BICRAL: variants seen among roughly 807,000 people sequenced by gnomAD.
BICRAL encodes the protein BICRA like chromatin remodeling complex associated protein, also known as BRD4-interacting chromatin-remodeling complex-associated protein-like.
Under a neutral mutation model 91.8 loss-of-function variants are expected in BICRAL, and 8 were observed. The observed-to-expected ratio is 0.09, with a 90% CI of 0.05 to 0.16. BICRAL has a LOEUF of 0.16. Ranked by LOEUF, BICRAL falls within the 10% of genes least tolerant of loss-of-function variation. The pLI, the probability that BICRAL is intolerant of heterozygous loss-of-function variation, is 1.00. For missense variants in BICRAL, 1,038 were observed against 1,310.9 expected (o/e 0.79, Z 3.21); for synonymous variants, 445 against 491.1 (o/e 0.91, Z 1.24).
chr6:42,814,455 A>C (rs1763921241), intron 2 of BICRAL, among the ~76,000 whole-genome samples: 1 of 143,018 alleles, frequency 7.0e-6, no homozygotes. Flanking sequence ...ATATGTATAT[A>C]TACGTATACA....
At chr6:42,755,723 G>A (rs1762448047) in intron 1 of BICRAL, among the ~76,000 whole-genome samples, 1 of 148,764 alleles carries the variant, frequency 6.7e-6, no homozygotes, top group African/African-American at 2.5e-5. Context: ...AGGCTGGAGT[G>A]CAATGGCGTG....
intron 6 of BICRAL, among the ~76,000 whole-genome samples, chr6:42,847,938 G>A (rs1002127082): frequency 6.6e-6 from 1 of 151,944 alleles, no homozygotes; most frequent in East Asian, 1.9e-4. Flanking sequence ...GACCATCCTC[G>A]CTCACACAGT....
At position 42,829,542 on chromosome 6, in the gene BICRAL, A is replaced by C; in HGVS notation, c.1209A>C (p.Ile403=). The part of the protein sequence containing the change: ...QPHAPQSQFL[I]PTSLSVSSNS... ...ACGCACCCCAAAGTCAGTTCCTTAT[A>C]CCTACAAGCCTTTCTGTCAGTTCCA... The change falls in exon 6 of 13, where the codon ATA becomes ATC. Residue 403 remains isoleucine, a synonymous_variant. Transcript: ENST00000314073. The C allele has an allele frequency of 6.2e-7, 1 of 1,614,118 alleles. No individual in the cohort carries two copies. The highest frequency in any genetic ancestry group is 1.1e-5 in the South Asian group (1 of 91,084).
At chr6:42,863,882 G>T (rs539355388) in intron 12 of BICRAL, among the ~76,000 whole-genome samples, 1 of 152,174 alleles carries the variant, frequency 6.6e-6, no homozygotes, top group East Asian at 1.9e-4. Context: ...ACCAAAATTA[G>T]GCCAGGCGTG....
At chr6:42,781,596 G>GTGT (rs1562457230), upstream of BICRAL, among the ~76,000 whole-genome samples, 1,560 of 103,494 alleles carry the variant, frequency 0.015, 50 homozygotes, top group East Asian at 0.097. Context: ...TGGGTGGGTG[G>GTGT]GTGTGTGTGT....
chr6:42,845,376 C>T (rs555929648), intron 6 of BICRAL, among the ~76,000 whole-genome samples: 47 of 151,520 alleles, frequency 3.1e-4, no homozygotes, highest in African/African-American at 1.1e-3. Flanking sequence ...GCGTGAGCCA[C>T]AGCGCCCAGC....
intron 1 of BICRAL, among the ~76,000 whole-genome samples, chr6:42,774,944 T>G (rs1321012478): frequency 6.6e-6 from 1 of 152,104 alleles, no homozygotes. Flanking sequence ...GTTCCTTTTT[T>G]TTTTTGAGAC....
intron 10 of BICRAL, among the ~76,000 whole-genome samples, chr6:42,857,447 G>C (rs1282243750): frequency 2.0e-5 from 3 of 151,642 alleles, no homozygotes; most frequent in African/African-American, 7.3e-5. Context: ...GGGAAGTCAA[G>C]AGTAGGGGCA....
intron 7 of BICRAL, chr6:42,852,577 G>A (rs751377259): frequency 2.1e-4 from 76 of 356,924 alleles, no homozygotes; most frequent in African/African-American, 3.8e-4. Context: ...CAGGAGAATC[G>A]CTTGAACCCG....
At chr6:42,814,520 T>TATATATA (rs1491538864) in intron 2 of BICRAL, among the ~76,000 whole-genome samples, 45 of 41,170 alleles carry the variant, frequency 1.1e-3, no homozygotes, top group African/African-American at 4.7e-3. Context: ...TATATATATA[T>TATATATA]TTTTTTTTTT....
intron 6 of BICRAL, among the ~76,000 whole-genome samples, chr6:42,841,023 C>T (rs538987556): frequency 2.8e-5 from 4 of 142,456 alleles, no homozygotes; most frequent in Admixed American, 2.2e-4. Flanking sequence ...TGCAGTGGGC[C>T]GAGATCATAC....
chr6:42,797,531 C>T (rs1202839448), intron 1 of BICRAL, among the ~76,000 whole-genome samples: 3 of 152,000 alleles, frequency 2.0e-5, no homozygotes. Context: ...GAGTAACTTC[C>T]CTGAGGGAGT....
At chr6:42,817,158 GT>G (rs1764017489) in intron 2 of BICRAL, among the ~76,000 whole-genome samples, 1 of 151,576 alleles carries the variant, frequency 6.6e-6, no homozygotes. Context: ...ATGTGTGTGT[GT>G]GTGTGTGTGT....
chr6:42,847,632 AGCCAGGCATTG>A (rs1765054186), intron 6 of BICRAL, among the ~76,000 whole-genome samples: 1 of 150,376 alleles, frequency 6.6e-6, no homozygotes, highest in African/African-American at 2.5e-5. Flanking sequence ...TTAAAAAATT[AGCCAGGCATTG>A]GCCAGGCACG....
chr6:42,784,091 C>T (rs1286030769), intron 1 of BICRAL, among the ~76,000 whole-genome samples: 1 of 152,176 alleles, frequency 6.6e-6, no homozygotes, highest in Admixed American at 6.5e-5. Flanking sequence ...TACTAGTTGT[C>T]AGATTACGGG....
intron 5 of BICRAL, among the ~76,000 whole-genome samples, chr6:42,825,594 A>G (rs1215079563): frequency 6.6e-6 from 1 of 151,550 alleles, no homozygotes; most frequent in Non-Finnish European, 1.5e-5. Flanking sequence ...ATAGATGAGC[A>G]TGGTGGTGCG....
intron 1 of BICRAL, among the ~76,000 whole-genome samples, chr6:42,749,278 T>A (rs555369835): frequency 4.1e-4 from 62 of 152,116 alleles, no homozygotes; most frequent in Non-Finnish European, 7.6e-4. Context: ...GTTAAGTAAA[T>A]AAGCCAGGAA....
At chr6:42,774,977 G>T (rs111467230) in intron 1 of BICRAL, among the ~76,000 whole-genome samples, 11 of 151,932 alleles carry the variant, frequency 7.2e-5, no homozygotes, top group African/African-American at 2.7e-4. Flanking sequence ...TTGTTGCCCA[G>T]GCTGGAGTGC....
chr6:42,801,930 G>T (rs529698424), intron 1 of BICRAL, among the ~76,000 whole-genome samples: 1 of 151,978 alleles, frequency 6.6e-6, no homozygotes, highest in Non-Finnish European at 1.5e-5. Flanking sequence ...AATTCCCTTT[G>T]CATTAGGAAA....
Sources: allele counts gnomAD v4.1 joint callset (sites outside exome capture counted in the v4.1 genomes callset), GRCh38; gene constraint gnomAD v4.1.1; transcripts MANE v1.5; gene names NCBI Gene and HGNC (gene_info 2026-07-23, HGNC 2026-07-21).